Variants in SMYD3 observed in about 807,000 individuals in gnomAD.
SMYD3 encodes the protein SET and MYND domain containing 3.
In SMYD3, 36 loss-of-function variants were observed where a neutral mutation model predicts 57.7. That is an observed-to-expected ratio of 0.62 (90% CI 0.48 to 0.82). The LOEUF is 0.82. SMYD3 is among the 40% of genes least tolerant of loss of function. SMYD3 has a pLI of 0.00. For synonymous variants in SMYD3, 211 were observed against 195.0 expected (o/e 1.08, Z -0.68); for missense variants, 515 against 538.8 (o/e 0.96, Z 0.44).
chr1:246,418,108 TAATC>T (rs2067090335), intron 1 of SMYD3, among the ~76,000 whole-genome samples: 1 of 152,210 alleles, frequency 6.6e-6, no homozygotes, highest in African/African-American at 2.4e-5. Context: ...CTTCCCCTGT[TAATC>T]AGTCTAATGT....
chr1:246,058,338 G>A (rs930775931), intron 5 of SMYD3, among the ~76,000 whole-genome samples: 1 of 152,062 alleles, frequency 6.6e-6, no homozygotes, highest in South Asian at 2.1e-4. Flanking sequence ...TGGGGGAGGA[G>A]GGCAGGAGGG....
At chr1:246,435,099 T>C (rs929843985) in intron 1 of SMYD3, among the ~76,000 whole-genome samples, 1 of 152,094 alleles carries the variant, frequency 6.6e-6, no homozygotes, top group Non-Finnish European at 1.5e-5. Flanking sequence ...CACTTATAAG[T>C]GGGAGCTAAT....
At chr1:246,154,770 G>T (rs544911652) in intron 5 of SMYD3, among the ~76,000 whole-genome samples, 18 of 149,806 alleles carry the variant, frequency 1.2e-4, no homozygotes, top group African/African-American at 3.2e-4. Context: ...TTTTTTTTTT[G>T]TTTTGTTTTT....
At chr1:245,862,333 T>C (rs2051594993) in intron 9 of SMYD3, among the ~76,000 whole-genome samples, 1 of 152,186 alleles carries the variant, frequency 6.6e-6, no homozygotes, top group African/African-American at 2.4e-5. Flanking sequence ...CTCTTAAATG[T>C]TGTTAAATTT....
At chr1:246,492,020 A>C (rs2068280104) in intron 1 of SMYD3, among the ~76,000 whole-genome samples, 1 of 152,218 alleles carries the variant, frequency 6.6e-6, no homozygotes, top group Non-Finnish European at 1.5e-5. Context: ...TAGAAGAAAG[A>C]AAGCAATATA....
At chr1:245,835,493 C>A (rs993570149) in intron 10 of SMYD3, among the ~76,000 whole-genome samples, 4 of 152,130 alleles carry the variant, frequency 2.6e-5, no homozygotes, top group Non-Finnish European at 5.9e-5. Context: ...ACATACTTGA[C>A]AAGGATATTA....
chr1:246,007,767 T>G (rs2059202319), intron 5 of SMYD3, among the ~76,000 whole-genome samples: 1 of 150,424 alleles, frequency 6.6e-6, no homozygotes, highest in African/African-American at 2.5e-5. Flanking sequence ...CAGTAAGCCG[T>G]GATCACACCA....
At chr1:245,858,005 GATTATGA>G (rs1267251069) in intron 10 of SMYD3, among the ~76,000 whole-genome samples, 7 of 152,168 alleles carry the variant, frequency 4.6e-5, no homozygotes, top group African/African-American at 1.7e-4. Flanking sequence ...CTCACAAGGT[GATTATGA>G]AGGCAAATGA....
At chr1:246,409,100 C>T (rs1236820682) in intron 1 of SMYD3, among the ~76,000 whole-genome samples, 2 of 152,048 alleles carry the variant, frequency 1.3e-5, no homozygotes, top group Non-Finnish European at 2.9e-5. Context: ...GAGTAGGTTG[C>T]AAAAATTTTC....
intron 5 of SMYD3, among the ~76,000 whole-genome samples, chr1:245,949,825 A>AACCCCCCCCCCCC (rs2057559888): frequency 1.1e-5 from 1 of 93,340 alleles, no homozygotes; most frequent in Non-Finnish European, 1.9e-5. Context: ...AAAGAAACCC[A>AACCCCCCCCCCCC]CCCCCCCCAC....
intron 2 of SMYD3, among the ~76,000 whole-genome samples, chr1:246,348,232 A>G (rs2065759274): frequency 6.6e-6 from 1 of 151,574 alleles, no homozygotes; most frequent in Non-Finnish European, 1.5e-5. Context: ...CCTGGCCAAC[A>G]TGGTGAAACC....
At chr1:246,492,638 T>A (rs2068289522) in intron 1 of SMYD3, among the ~76,000 whole-genome samples, 1 of 152,158 alleles carries the variant, frequency 6.6e-6, no homozygotes. Context: ...GACCAACAAG[T>A]AAGGCCACTA....
intron 5 of SMYD3, among the ~76,000 whole-genome samples, chr1:246,137,496 G>A (rs931576585): frequency 3.3e-5 from 5 of 152,116 alleles, no homozygotes; most frequent in Non-Finnish European, 4.4e-5. Context: ...ACTCTCACAC[G>A]GTGAGTAGCA....
intron 8 of SMYD3, among the ~76,000 whole-genome samples, chr1:245,870,930 G>A (rs983712970): frequency 5.9e-5 from 9 of 152,138 alleles, no homozygotes; most frequent in Non-Finnish European, 1.3e-4. Flanking sequence ...CTCGTATGCT[G>A]GGCCAATTTC....
intron 8 of SMYD3, among the ~76,000 whole-genome samples, chr1:245,888,718 T>C (rs2053218959): frequency 6.6e-6 from 1 of 152,254 alleles, no homozygotes; most frequent in Admixed American, 6.5e-5. Flanking sequence ...CTCTCTCACG[T>C]CTACCTTTTA....
intron 1 of SMYD3, among the ~76,000 whole-genome samples, chr1:246,380,230 C>T (rs761554947): frequency 3.3e-5 from 5 of 152,048 alleles, no homozygotes; most frequent in Admixed American, 1.3e-4. Context: ...TAGGCTAATA[C>T]GAATAGTTTT....
Position 246,209,931 on chromosome 1 carries a change from G to A in SMYD3, c.531+117270C>T, listed in dbSNP as rs146761690. On this transcript the variant is annotated intron_variant, in intron 5 of 11. Coordinates refer to ENST00000490107, the MANE Select transcript of SMYD3 (RefSeq NM_001167740.2). ...TAAAACTACAGTTAGTAGCCTCCCC[G>A]TTCATGAATTACAACTGACAAATGA... 2.0e-3 allele frequency among the ~76,000 whole-genome samples: 300 copies of A among 152,272 alleles called. 4 individuals carry two copies. Among genetic ancestry groups the A allele is most frequent in the African/African-American group, 6.8e-3 (283 of 41,534 alleles).
intron 5 of SMYD3, among the ~76,000 whole-genome samples, chr1:246,199,939 G>C (rs1298716454): frequency 6.6e-6 from 1 of 152,158 alleles, no homozygotes; most frequent in African/African-American, 2.4e-5. Context: ...GATGTCCACT[G>C]TAATAGAGAA....
intron 5 of SMYD3, among the ~76,000 whole-genome samples, chr1:246,271,590 C>T (rs1386322705): frequency 6.6e-6 from 1 of 152,132 alleles, no homozygotes; most frequent in Admixed American, 6.5e-5. Context: ...GCACCCCCAT[C>T]GAAAATCATT....
Sources: allele counts gnomAD v4.1 joint callset (sites outside exome capture counted in the v4.1 genomes callset), GRCh38; gene constraint gnomAD v4.1.1; transcripts MANE v1.5; gene names NCBI Gene and HGNC (gene_info 2026-07-23, HGNC 2026-07-21).